SLC36A1: variants seen among roughly 807,000 people sequenced by gnomAD.
SLC36A1 encodes the protein solute carrier family 36 member 1.
Under a neutral mutation model 47.5 loss-of-function variants are expected in SLC36A1, and 30 were observed. That is an observed-to-expected ratio of 0.63 (90% CI 0.47 to 0.86). SLC36A1 has a LOEUF of 0.86. SLC36A1 is among the 40% of genes least tolerant of loss of function. SLC36A1 has a pLI of 0.00. For missense variants in SLC36A1, 517 were observed against 606.0 expected, an observed-to-expected ratio of 0.85 and a Z score of 1.54; for synonymous variants, 255 against 249.7, an observed-to-expected ratio of 1.02 and a Z score of -0.20.
chr5:151,547,570 A>T, the SLC36A1 span, among the ~76,000 whole-genome samples: 145 of 152,296 alleles, frequency 9.5e-4, no homozygotes, highest in Non-Finnish European at 1.5e-3. Flanking sequence ...AAAACTTTCA[A>T]TCTGATTCTT....
At chr5:151,348,340 T>C in the SLC36A1 span, among the ~76,000 whole-genome samples, 1 of 152,210 alleles carries the variant, frequency 6.6e-6, no homozygotes, top group Non-Finnish European at 1.5e-5. Flanking sequence ...GTTTCTCTAG[T>C]ATCCCACTCT....
chr5:151,537,213 A>G, the SLC36A1 span, among the ~76,000 whole-genome samples: 6 of 133,736 alleles, frequency 4.5e-5, no homozygotes, highest in Admixed American at 1.6e-4. Flanking sequence ...GAAGAAGAGG[A>G]AGAAGAAGAG....
chr5:151,539,724 T>C, the SLC36A1 span, among the ~76,000 whole-genome samples: 1 of 152,180 alleles, frequency 6.6e-6, no homozygotes, highest in African/African-American at 2.4e-5. Flanking sequence ...TTAAAAAATA[T>C]GTTTAAAAGC....
rs889117221 is a variant in SLC36A1, at chr5:151,489,089, C to T, written c.*835C>T. On this transcript the variant is annotated 3_prime_UTR_variant, in exon 11 of 11. Transcript: ENST00000243389. The surrounding 1 kb of genome is among the most constrained non-coding windows in gnomAD (Gnocchi z 4.5). ...CGCTCCAGATGTCTGCATGGGTCCT[C>T]GGCACTCTTGGCTGAGGACTCAAAG... is the stretch of plus-strand genomic sequence containing the variant. 1.3e-5 allele frequency: 2 copies of T among 152,248 alleles called. No individual in the cohort carries two copies. Among genetic ancestry groups the T allele is most frequent in the South Asian group, 2.1e-4 (1 of 4,814 alleles). 9.4% of individuals were successfully genotyped at this position (152,248 alleles called of 1,614,324 possible).
At chr5:151,466,442 G>A (rs972556085) in intron 5 of SLC36A1, among the ~76,000 whole-genome samples, 4 of 152,148 alleles carry the variant, frequency 2.6e-5, no homozygotes, top group African/African-American at 7.2e-5. Context: ...CGTCTGAGAC[G>A]TTTTTCTCTA....
At chr5:151,539,188 G>T in the SLC36A1 span, among the ~76,000 whole-genome samples, 1 of 152,104 alleles carries the variant, frequency 6.6e-6, no homozygotes, top group South Asian at 2.1e-4. Flanking sequence ...CCCAAATATG[G>T]TCATCTTGGA....
intron 4 of SLC36A1, 95 bp from the exon 5 acceptor site, chr5:151,464,979 G>A: frequency 1.0e-6 from 1 of 954,328 alleles, no homozygotes; most frequent in East Asian, 2.4e-5. Context: ...GTGAAAGATG[G>A]GAACTGGCCC....
intron 5 of SLC36A1, among the ~76,000 whole-genome samples, chr5:151,466,242 C>T (rs1756356342): frequency 6.6e-6 from 1 of 152,010 alleles, no homozygotes; most frequent in African/African-American, 2.4e-5. Flanking sequence ...AATGCGTGCT[C>T]ATAGTAAAAA....
At chr5:151,405,362 T>TC in the SLC36A1 span, among the ~76,000 whole-genome samples, 1 of 146,004 alleles carries the variant, frequency 6.8e-6, no homozygotes, top group African/African-American at 2.6e-5. Context: ...TTTTTTTTTT[T>TC]TTTTTGAGAT....
chr5:151,455,376 C>T (rs1312711516), intron 1 of SLC36A1, among the ~76,000 whole-genome samples: 2 of 152,118 alleles, frequency 1.3e-5, no homozygotes, highest in African/African-American at 4.8e-5. Context: ...CATGCAGTTG[C>T]TTAGCCACAT....
chr5:151,344,839 C>T, the SLC36A1 span, among the ~76,000 whole-genome samples: 5 of 152,154 alleles, frequency 3.3e-5, no homozygotes, highest in African/African-American at 4.8e-5. Context: ...CAGGCTTGAA[C>T]ACAGAGAAAA....
intron 1 of SLC36A1, among the ~76,000 whole-genome samples, chr5:151,450,740 T>C (rs182195867): frequency 1.3e-5 from 2 of 152,386 alleles, no homozygotes; most frequent in East Asian, 3.9e-4. Context: ...ATCTCAGTTC[T>C]TTAAATGCTT....
At chr5:151,514,755 C>T in the SLC36A1 span, among the ~76,000 whole-genome samples, 3 of 152,156 alleles carry the variant, frequency 2.0e-5, no homozygotes, top group African/African-American at 7.2e-5. Flanking sequence ...ATGGGGGAAC[C>T]TGCAGGCACT....
chr5:151,363,234 G>C, the SLC36A1 span, among the ~76,000 whole-genome samples: 7 of 152,228 alleles, frequency 4.6e-5, no homozygotes, highest in Non-Finnish European at 1.0e-4. Flanking sequence ...GTGTGGGAAG[G>C]CTGGCTAGGA....
the SLC36A1 span, chr5:151,510,095 G>T: frequency 6.2e-7 from 1 of 1,614,184 alleles, no homozygotes; most frequent in Non-Finnish European, 8.5e-7. Flanking sequence ...CACCTTCCAG[G>T]CAGGGTGCAA....
the SLC36A1 span, chr5:151,526,098 G>T: frequency 1.2e-6 from 1 of 868,032 alleles, no homozygotes; most frequent in Non-Finnish European, 1.8e-6. Flanking sequence ...TGGACATCAA[G>T]CTGCTGCTCA....
chr5:151,417,353 GGT>G, the SLC36A1 span, among the ~76,000 whole-genome samples: 4 of 152,326 alleles, frequency 2.6e-5, no homozygotes, highest in Non-Finnish European at 5.9e-5. Flanking sequence ...TCCAGGCTGA[GGT>G]GGTCTCAGAT....
At chr5:151,487,568 GT>G (rs1432265837) in intron 10 of SLC36A1, among the ~76,000 whole-genome samples, 2 of 152,232 alleles carry the variant, frequency 1.3e-5, no homozygotes, top group Non-Finnish European at 2.9e-5. Flanking sequence ...AGAGATGTTT[GT>G]GTTGGAGGCT....
chr5:151,473,851 G>C (rs152722), intron 8 of SLC36A1, 80 bp downstream of exon 8: 193,454 of 1,117,536 alleles, frequency 0.17, 18,871 homozygotes, highest in Non-Finnish European at 0.21. Context: ...GAATGCTGAG[G>C]AAACATTGTT....
Sources: gnomAD v4.1 joint callset for allele counts (sites outside exome capture counted in the v4.1 genomes callset) on GRCh38, gnomAD v4.1.1 for gene constraint, Gnocchi (gnomAD v3.1) non-coding constraint, MANE v1.5 for transcripts, NCBI Gene and HGNC (gene_info 2026-07-23, HGNC 2026-07-21) for gene names.